The following THSD7A variants were observed in gnomAD, a reference collection of about 807,000 sequenced individuals.
The protein encoded by THSD7A is thrombospondin type 1 domain containing 7A.
Under a neutral mutation model 231.3 loss-of-function variants are expected in THSD7A, and 96 were observed. That is an observed-to-expected ratio of 0.41 (90% CI 0.35 to 0.49). The LOEUF is 0.49. THSD7A is among the 20% of genes least tolerant of loss of function. The probability of loss-of-function intolerance (pLI) is 0.05; values close to 1 mark genes in which losing one functional copy is unlikely to be tolerated. For missense variants in THSD7A, 2,290 were observed against 2,070.2 expected (o/e 1.11, Z -2.06); for synonymous variants, 940 against 743.3 (o/e 1.26, Z -4.30).
intron 2 of THSD7A, among the ~76,000 whole-genome samples, chr7:11,633,276 A>C (rs776603119): frequency 7.5e-4 from 114 of 152,156 alleles, no homozygotes; most frequent in Non-Finnish European, 1.0e-3. Context: ...GCTGGAAGTC[A>C]CTGGTTTACA....
intron 1 of THSD7A, among the ~76,000 whole-genome samples, chr7:11,761,189 C>T (rs557004445): frequency 1.3e-5 from 2 of 151,730 alleles, no homozygotes; most frequent in Admixed American, 6.6e-5. Context: ...TTTAAAAAAG[C>T]AAATTCATTT....
At chr7:11,640,532 TC>T (rs1782040751) in intron 1 of THSD7A, among the ~76,000 whole-genome samples, 1 of 152,054 alleles carries the variant, frequency 6.6e-6, no homozygotes, top group East Asian at 1.9e-4. Flanking sequence ...CTCTAATTTC[TC>T]CATGTTATCT....
chr7:11,549,368 G>A (rs549787350), intron 4 of THSD7A, among the ~76,000 whole-genome samples: 1 of 151,898 alleles, frequency 6.6e-6, no homozygotes. Context: ...AAGACAGTGT[G>A]GTGATTCCTC....
At chr7:11,790,787 A>G (rs1307290917) in intron 1 of THSD7A, among the ~76,000 whole-genome samples, 2 of 152,028 alleles carry the variant, frequency 1.3e-5, no homozygotes, top group Non-Finnish European at 2.9e-5. Flanking sequence ...TCAAAGATGT[A>G]CAAAGACTGG....
intron 1 of THSD7A, among the ~76,000 whole-genome samples, chr7:11,717,061 C>T (rs1003342395): frequency 1.3e-5 from 2 of 148,706 alleles, no homozygotes; most frequent in Admixed American, 6.8e-5. Flanking sequence ...AATTCTTTTT[C>T]GTAGTAATGT....
chr7:11,552,547 G>C (rs1789675068), intron 4 of THSD7A, among the ~76,000 whole-genome samples: 1 of 152,036 alleles, frequency 6.6e-6, no homozygotes, highest in African/African-American at 2.4e-5. Flanking sequence ...CAGGAGTTAA[G>C]AAAAAATTAC....
At chr7:11,421,962 G>C (rs1319212947) in intron 16 of THSD7A, among the ~76,000 whole-genome samples, 1 of 152,088 alleles carries the variant, frequency 6.6e-6, no homozygotes, top group Non-Finnish European at 1.5e-5. Flanking sequence ...CCCAAAGGAA[G>C]GCACTTTAAA....
intron 6 of THSD7A, among the ~76,000 whole-genome samples, chr7:11,484,288 T>G (rs924389822): frequency 6.6e-6 from 1 of 152,230 alleles, no homozygotes; most frequent in Admixed American, 6.5e-5. Context: ...AGCTTTATGT[T>G]CTGGCCATAA....
rs186799509 is a variant in THSD7A at position 11,463,729 on chromosome 7, T to G, written c.2369-1586A>C. ...TATTTGAAAATATTGTCATGGACTT[T>G]TAATTGTAGCAGTAGTTTGAATGCC... On this transcript the variant is annotated intron_variant, in intron 9 of 27. Transcript: ENST00000423059. Among the ~76,000 whole-genome samples the G allele has an allele frequency of 4.8e-3, 733 of 152,188 alleles. 4 individuals carry two copies. The highest frequency in any genetic ancestry group is 0.017 in the African/African-American group (706 of 41,536).
At chr7:11,826,445 C>T (rs201898325) in intron 1 of THSD7A, among the ~76,000 whole-genome samples, 1 of 152,118 alleles carries the variant, frequency 6.6e-6, no homozygotes, top group Non-Finnish European at 1.5e-5. Context: ...TCGCGTTTTG[C>T]TCAATTCATT....
chr7:11,641,468 T>C (rs952763935), intron 1 of THSD7A, among the ~76,000 whole-genome samples: 1 of 152,146 alleles, frequency 6.6e-6, no homozygotes, highest in Non-Finnish European at 1.5e-5. Context: ...TTTCTAAAGT[T>C]TGCTTAGATA....
At chr7:11,478,077 C>T (rs1786268930) in intron 7 of THSD7A, among the ~76,000 whole-genome samples, 1 of 152,176 alleles carries the variant, frequency 6.6e-6, no homozygotes, top group Admixed American at 6.5e-5. Flanking sequence ...AACCAACTCT[C>T]ACTATGTTAA....
At chr7:11,633,418 C>T (rs1421933770) in intron 2 of THSD7A, among the ~76,000 whole-genome samples, 1 of 152,096 alleles carries the variant, frequency 6.6e-6, no homozygotes, top group Non-Finnish European at 1.5e-5. Context: ...GGGCTTCCTG[C>T]CTATTATGCT....
intron 1 of THSD7A, among the ~76,000 whole-genome samples, chr7:11,825,013 C>A (rs1333502504): frequency 1.3e-5 from 2 of 151,806 alleles, no homozygotes; most frequent in South Asian, 4.1e-4. Context: ...ACATAAGTGC[C>A]AAACTAATAA....
chr7:11,510,241 G>C (rs1787747760), intron 6 of THSD7A, among the ~76,000 whole-genome samples: 1 of 152,098 alleles, frequency 6.6e-6, no homozygotes, highest in Admixed American at 6.6e-5. Flanking sequence ...CTGAATCCCT[G>C]AATAGACCAA....
At chr7:11,408,955 G>C (rs1446294174) in intron 19 of THSD7A, among the ~76,000 whole-genome samples, 2 of 152,178 alleles carry the variant, frequency 1.3e-5, no homozygotes, top group African/African-American at 4.8e-5. Flanking sequence ...GTAAATAATA[G>C]TTTCATGGGG....
chr7:11,809,509 A>T (rs2128183776), intron 1 of THSD7A, among the ~76,000 whole-genome samples: 1 of 152,306 alleles, frequency 6.6e-6, no homozygotes, highest in South Asian at 2.1e-4. Context: ...TGTATACAAA[A>T]GCATAGTTCA....
intron 1 of THSD7A, among the ~76,000 whole-genome samples, chr7:11,664,328 T>C (rs1783041332): frequency 6.6e-6 from 1 of 151,920 alleles, no homozygotes; most frequent in South Asian, 2.1e-4. Flanking sequence ...GACTTGGTAC[T>C]AGATAGATTT....
chr7:11,426,214 A>C (rs1784316729), intron 15 of THSD7A, among the ~76,000 whole-genome samples: 1 of 152,110 alleles, frequency 6.6e-6, no homozygotes, highest in South Asian at 2.1e-4. Context: ...GAAAAGAAAA[A>C]CTGAAGGAGA....
Sources: allele counts gnomAD v4.1 joint callset (sites outside exome capture counted in the v4.1 genomes callset), GRCh38; gene constraint gnomAD v4.1.1; transcripts MANE v1.5; gene names NCBI Gene and HGNC (gene_info 2026-07-23, HGNC 2026-07-21).